MAGI2: variants seen among roughly 807,000 people sequenced by gnomAD.
MAGI2 encodes membrane associated guanylate kinase, WW and PDZ domain containing 2, also known as membrane-associated guanylate kinase, WW and PDZ domain-containing protein 2.
A neutral mutation model predicts 133.3 loss-of-function variants in MAGI2; 35 were observed. The ratio of observed to expected loss-of-function variants is 0.26; its 90% CI spans 0.20 to 0.35. The LOEUF is 0.35. MAGI2 is among the 10% of genes least tolerant of loss of function. The pLI is 1.00. For missense variants in MAGI2, 1,636 were observed against 1,863.4 expected, an observed-to-expected ratio of 0.88 and a Z score of 2.25; for synonymous variants, 729 against 710.6, an observed-to-expected ratio of 1.03 and a Z score of -0.41.
At chr7:78,997,825 A>G (rs1806464784) in intron 2 of MAGI2, among the ~76,000 whole-genome samples, 1 of 152,182 alleles carries the variant, frequency 6.6e-6, no homozygotes. Flanking sequence ...ATTCACTTGC[A>G]TAAGTGACAC....
At chr7:78,194,742 G>T in intron 12 of MAGI2, 132 bp downstream of exon 12, 3 of 646,686 alleles carry the variant, frequency 4.6e-6, no homozygotes, top group Non-Finnish European at 4.7e-6. Context: ...TTTTAGACCA[G>T]CTGGCTCTGC....
In MAGI2 at chr7:79,118,282, T is replaced by C. The variant is rs1819581096; in HGVS notation, c.302-111076A>G. On this transcript the variant is annotated intron_variant, in intron 1 of 21. Transcript: ENST00000354212. ...TTTGGGTGTACACTTTATGGTCACC[T>C]AGTCATCTTCCTTGTAAATGGAGCA... 2.0e-5 allele frequency among the ~76,000 whole-genome samples: 3 copies of C among 152,190 alleles called. No individual in the cohort carries two copies. In the South Asian group the frequency reaches 6.2e-4, roughly 31 times the overall value.
intron 2 of MAGI2, among the ~76,000 whole-genome samples, chr7:78,994,805 T>C (rs1203382236): frequency 6.6e-6 from 1 of 152,114 alleles, no homozygotes; most frequent in African/African-American, 2.4e-5. Flanking sequence ...TACTTGCACG[T>C]AGATGTTTGT....
intron 1 of MAGI2, among the ~76,000 whole-genome samples, chr7:79,236,520 C>G (rs1186932676): frequency 6.6e-6 from 1 of 152,234 alleles, no homozygotes; most frequent in Non-Finnish European, 1.5e-5. Context: ...AGCAGCATGT[C>G]TGGAGTCAGC....
chr7:78,401,073 A>T (rs1026256059), intron 6 of MAGI2, among the ~76,000 whole-genome samples: 3 of 152,116 alleles, frequency 2.0e-5, no homozygotes, highest in African/African-American at 7.2e-5. Context: ...CTTTGAAAAA[A>T]AAAATAAAAT....
intron 1 of MAGI2, among the ~76,000 whole-genome samples, chr7:79,283,988 C>A (rs1289586122): frequency 1.3e-5 from 2 of 151,978 alleles, no homozygotes; most frequent in African/African-American, 2.4e-5. Flanking sequence ...GTATTCAGTA[C>A]AGTAACATGC....
At chr7:79,157,035 C>T (rs1823844069) in intron 1 of MAGI2, among the ~76,000 whole-genome samples, 1 of 152,020 alleles carries the variant, frequency 6.6e-6, no homozygotes, top group Non-Finnish European at 1.5e-5. Flanking sequence ...TGGTTTTTCT[C>T]CTAGGAAGTT....
intron 16 of MAGI2, among the ~76,000 whole-genome samples, chr7:78,136,826 G>A (rs1034645705): frequency 6.6e-6 from 1 of 152,188 alleles, no homozygotes; most frequent in African/African-American, 2.4e-5. Flanking sequence ...TAATAACCAT[G>A]GCAAGGAAGG....
In MAGI2 at chr7:78,535,887, C is replaced by T. The variant is rs967791751; in HGVS notation, c.539-14242G>A. The stretch of plus-strand genomic sequence containing the variant: ...TCTTGTGTACACCCCCCCCGCCCAC[C>T]GCCTCCCCCCAACACTCAGGAACTG... On this transcript the variant is annotated intron_variant, in intron 3 of 21. Coordinates refer to ENST00000354212, the MANE Select transcript of MAGI2 (RefSeq NM_012301.4). Among the ~76,000 whole-genome samples the T allele has an allele frequency of 3.4e-5, 5 of 148,538 alleles. No homozygotes were observed. In the East Asian group the frequency reaches 8.0e-4, roughly 24 times the overall value.
chr7:78,722,048 A>G (rs1321444325), intron 2 of MAGI2, among the ~76,000 whole-genome samples: 2 of 151,360 alleles, frequency 1.3e-5, no homozygotes, highest in Non-Finnish European at 3.0e-5. Context: ...GGAAATAAGT[A>G]TACGTAATTA....
At chr7:78,455,906 A>G (rs983446023) in intron 6 of MAGI2, among the ~76,000 whole-genome samples, 3 of 151,994 alleles carry the variant, frequency 2.0e-5, no homozygotes, top group African/African-American at 7.3e-5. Flanking sequence ...GTAATACCCT[A>G]ATGTTTTTTC....
intron 11 of MAGI2, among the ~76,000 whole-genome samples, chr7:78,198,343 T>C (rs1474073181): frequency 6.6e-5 from 10 of 151,768 alleles, no homozygotes; most frequent in Non-Finnish European, 1.3e-4. Context: ...GGACAGCCAC[T>C]GAAATATCAG....
intron 1 of MAGI2, among the ~76,000 whole-genome samples, chr7:79,010,150 A>ACC (rs1807905325): frequency 1.3e-5 from 2 of 152,062 alleles, no homozygotes; most frequent in Non-Finnish European, 2.9e-5. Flanking sequence ...ATGTGTGTAT[A>ACC]CACAGTATGT....
At chr7:78,242,206 G>A (rs948415313) in intron 10 of MAGI2, among the ~76,000 whole-genome samples, 5 of 152,196 alleles carry the variant, frequency 3.3e-5, no homozygotes, top group African/African-American at 7.2e-5. Flanking sequence ...TTCCTGGGCT[G>A]GCTCCTAAAG....
intron 10 of MAGI2, among the ~76,000 whole-genome samples, chr7:78,220,352 T>A (rs1788691784): frequency 6.6e-6 from 1 of 152,180 alleles, no homozygotes. Flanking sequence ...CCACCCATGG[T>A]ACCCTGGCTG....
At chr7:79,249,453 T>A (rs114362116) in intron 1 of MAGI2, among the ~76,000 whole-genome samples, 311 of 150,436 alleles carry the variant, frequency 2.1e-3, no homozygotes, top group African/African-American at 7.2e-3. Context: ...AAAATCCAGG[T>A]TAATAAAAAA....
At chr7:78,295,748 A>ATAAG (rs1797166397) in intron 9 of MAGI2, among the ~76,000 whole-genome samples, 1 of 152,082 alleles carries the variant, frequency 6.6e-6, no homozygotes, top group African/African-American at 2.4e-5. Flanking sequence ...CCTCCCCTAA[A>ATAAG]TAAGTATCTC....
intron 3 of MAGI2, among the ~76,000 whole-genome samples, chr7:78,586,498 A>G (rs1803430068): frequency 6.6e-6 from 1 of 152,230 alleles, no homozygotes; most frequent in Non-Finnish European, 1.5e-5. Context: ...AGTCTGGGCA[A>G]TAAGGCAGAC....
At position 78,264,319 on chromosome 7, in the gene MAGI2, C is replaced by G. The variant is rs538128478; in HGVS notation, c.1409-7738G>C. 6.6e-5 allele frequency among the ~76,000 whole-genome samples: 10 copies of G among 152,252 alleles called. No individual in the cohort carries two copies. In the East Asian group the frequency reaches 1.9e-3, roughly 29 times the overall value. On this transcript the variant is annotated intron_variant, in intron 9 of 21. Coordinates refer to ENST00000354212, the MANE Select transcript of MAGI2 (RefSeq NM_012301.4). ...TGAGGAAGTGAATCCAAGACTTCAA[C>G]ACAAATGCTAAGAATTTCAAGCAGC...
Sources: allele counts gnomAD v4.1 joint callset (sites outside exome capture counted in the v4.1 genomes callset), GRCh38; gene constraint gnomAD v4.1.1; transcripts MANE v1.5; gene names NCBI Gene and HGNC (gene_info 2026-07-23, HGNC 2026-07-21).